Variants in PARP10 observed in about 807,000 individuals in gnomAD.
PARP10 encodes the protein protein mono-ADP-ribosyltransferase PARP10.
In PARP10, 56 loss-of-function variants were observed where a neutral mutation model predicts 82.4. The ratio of observed to expected loss-of-function variants is 0.68; its 90% CI spans 0.55 to 0.85. PARP10 has a LOEUF of 0.85. Among genes scored for constraint, PARP10 ranks in the 40% least tolerant of loss-of-function variants. The pLI, the probability that PARP10 is intolerant of heterozygous loss-of-function variation, is 0.00. For missense variants in PARP10, 1,227 were observed against 1,379.4 expected (o/e 0.89, Z 1.75); for synonymous variants, 576 against 601.1 (o/e 0.96, Z 0.61).
intron 1 of PARP10, among the ~76,000 whole-genome samples, chr8:143,997,433 C>G (rs1271164375): frequency 6.6e-6 from 1 of 152,154 alleles, no homozygotes; most frequent in East Asian, 1.9e-4. Flanking sequence ...AAATCTTCCT[C>G]TCTAACCCAA....
chr8:143,992,025 C>G (rs1554750605), upstream of PARP10: 4 of 1,613,946 alleles, frequency 2.5e-6, no homozygotes, highest in Non-Finnish European at 3.4e-6. Flanking sequence ...TCTCATCGTC[C>G]TCAGCTGTTG....
In PARP10 at chr8:143,977,604, G is replaced by C. The variant is rs782101741; in HGVS notation, c.2958C>G (p.Ser986Arg). ...DSAVDCICQP[S>R]IFVIFHDTQA... ...GGGTGTCGTGGAAGATGACGAAGAT[G>C]CTGGGCTGGCAGATGCAGTCCACGG... Residue 986 changes from serine to arginine, a missense_variant, in exon 11 of 11, where the codon AGC (serine) becomes AGG (arginine). Transcript: ENST00000313028. The C allele has an allele frequency of 2.6e-5, 41 of 1,586,640 alleles. No individual in the cohort carries two copies.
chr8:143,985,429 G>A lies in PARP10; in HGVS notation c.656C>T (p.Ser219Phe). 1 of 1,610,702 alleles carries A rather than the reference G, an allele frequency of 6.2e-7. No individual in the cohort carries two copies. The highest frequency in any genetic ancestry group is 8.5e-7 in the Non-Finnish European group (1 of 1,178,572). Residue 219 changes from serine to phenylalanine, a missense_variant, in exon 4 of 11, where the codon TCC (serine) becomes TTC (phenylalanine). Coordinates refer to ENST00000313028, the MANE Select transcript of PARP10 (RefSeq NM_032789.5). ...CCACTCACCTTGCCACTGCTGGAAGGAGGCAACAGTGCCCAGGGGCCCGGG... is the reference window on the plus strand; with the variant it reads ...CCACTCACCTTGCCACTGCTGGAAGAAGGCAACAGTGCCCAGGGGCCCGGG... ...RLPGPLGTVA[S>F]FQQWQVAERV...
rs946908055 is a variant in PARP10, at chr8:144,011,714, G to T, written c.-80+816C>A. Among the ~76,000 whole-genome samples, 2 of 152,150 alleles carry T rather than the reference G, an allele frequency of 1.3e-5. No individual in the cohort carries two copies. The highest frequency in any genetic ancestry group is 4.8e-5 in the African/African-American group (2 of 41,430). ...TGGGCTCCTGAAGGACTAAAGTCAG[G>T]AAAATTCAAGGAGCTGGGGAATAGA... is the stretch of plus-strand genomic sequence containing the variant. On this transcript the variant is annotated intron_variant, in intron 1 of 3. Coordinates refer to the PARP10 transcript ENST00000530478. The surrounding 1 kb of genome is among the most constrained non-coding windows in gnomAD (Gnocchi z 4.5).
At chr8:143,994,370 GCCT>G (rs1294480209), upstream of PARP10, among the ~76,000 whole-genome samples, 4 of 152,016 alleles carry the variant, frequency 2.6e-5, no homozygotes, top group Non-Finnish European at 5.9e-5. Context: ...GCCTCACCTG[GCCT>G]CCTCGCCTGC....
chr8:144,007,163 G>A (rs1429412207), intron 1 of PARP10, among the ~76,000 whole-genome samples: 1 of 152,236 alleles, frequency 6.6e-6, no homozygotes, highest in Non-Finnish European at 1.5e-5. Flanking sequence ...TAGTCCCTAA[G>A]CCTTTCATGA....
chr8:143,986,297 C>T lies in PARP10; in HGVS notation c.2+61G>A, dbSNP rs369275787. ...TCCACCCCTCCTGCCCCTCCCCAGGCCCCTCCAAGGTGTGTCCTCAATGCT... is the reference window on the plus strand; with the variant it reads ...TCCACCCCTCCTGCCCCTCCCCAGGTCCCTCCAAGGTGTGTCCTCAATGCT... On this transcript the variant is annotated intron_variant, in intron 1 of 10. Coordinates refer to ENST00000313028, the MANE Select transcript of PARP10 (RefSeq NM_032789.5). 4.2e-5 allele frequency: 67 copies of T among 1,613,648 alleles called. No homozygotes were observed. In the African/African-American group the frequency reaches 6.8e-4, roughly 16 times the overall value.
Position 143,984,996 on chromosome 8 carries a change from TCAGAGAG to T in PARP10, c.999_1005del (p.Ser334GlyfsTer28). ...CCCAGAGACCCCATGGGACCTGTCC[TCAGAGAG>T]GTCCCTGACTGCCCTGGTTCCTGGC... On this transcript the variant is annotated frameshift_variant, in exon 5 of 11. Coordinates refer to ENST00000313028, the MANE Select transcript of PARP10 (RefSeq NM_032789.5). LOFTEE classifies it high-confidence loss of function. 1 of 1,613,952 alleles carries T rather than the reference TCAGAGAG, an allele frequency of 6.2e-7. No individual in the cohort carries two copies. The highest frequency in any genetic ancestry group is 8.5e-7 in the Non-Finnish European group (1 of 1,179,990).
At chr8:143,991,967 G>A, upstream of PARP10, 2 of 1,613,828 alleles carry the variant, frequency 1.2e-6, no homozygotes, top group Admixed American at 1.7e-5. Flanking sequence ...GCTTTGTCCG[G>A]GAGAATGTCT....
chr8:143,991,583 C>T (rs782117732), upstream of PARP10: 1 of 1,589,544 alleles, frequency 6.3e-7, no homozygotes, highest in South Asian at 1.1e-5. Flanking sequence ...CACAGGTCTT[C>T]CCAGGACAAG....
chr8:144,012,335 G>T, intron 1 of PARP10: 4 of 608,236 alleles, frequency 6.6e-6, no homozygotes, highest in Non-Finnish European at 1.2e-5. Context: ...GAGAGCTGAG[G>T]GTGTTAGAGC....
rs1834250641 is a variant in PARP10 at position 144,008,603 on chromosome 8, G to A, written c.-80+3927C>T. Among the ~76,000 whole-genome samples, 1 of 152,182 alleles carries A rather than the reference G, an allele frequency of 6.6e-6. No homozygotes were observed. The highest frequency in any genetic ancestry group is 2.4e-5 in the African/African-American group (1 of 41,454). On this transcript the variant is annotated intron_variant, in intron 1 of 3. Transcript: ENST00000530478. The surrounding 1 kb of genome is among the most constrained non-coding windows in gnomAD (Gnocchi z 4.0). ...CCCAGGAGGTTCCTGTCACTCCTGC[G>A]GGCCCAGCCTCCCTGCAGCCAGGAA...
rs1234371432 is a variant in PARP10 at position 144,011,447 on chromosome 8, T to C, written c.-80+1083A>G. Reference sequence around the variant, plus strand: ...CCCTGGCTGACCTTCTTCCCCTTCCTCATTCCCACATTCTACCAGGAGTCT... The same window carrying C: ...CCCTGGCTGACCTTCTTCCCCTTCCCCATTCCCACATTCTACCAGGAGTCT... On this transcript the variant is annotated intron_variant, in intron 1 of 3. Coordinates refer to the PARP10 transcript ENST00000530478. The surrounding 1 kb of genome is among the most constrained non-coding windows in gnomAD (Gnocchi z 4.5). Among the ~76,000 whole-genome samples the C allele has an allele frequency of 6.6e-6, 1 of 152,176 alleles. No individual in the cohort carries two copies. The highest frequency in any genetic ancestry group is 2.4e-5 in the African/African-American group (1 of 41,456).
At chr8:143,980,754 G>A (rs1833832758) in intron 9 of PARP10, among the ~76,000 whole-genome samples, 1 of 152,212 alleles carries the variant, frequency 6.6e-6, no homozygotes, top group South Asian at 2.1e-4. Context: ...AAAGCCATTA[G>A]CCTTGAATCC....
intron 1 of PARP10, among the ~76,000 whole-genome samples, chr8:144,006,321 G>A (rs1355787185): frequency 3.3e-5 from 5 of 152,204 alleles, no homozygotes. Flanking sequence ...CACTCACAAC[G>A]ACAGCAGGAG....
intron 1 of PARP10, among the ~76,000 whole-genome samples, chr8:144,007,979 A>G (rs1387431651): frequency 6.6e-6 from 1 of 152,126 alleles, no homozygotes; most frequent in African/African-American, 2.4e-5. Flanking sequence ...CATCGTCTGA[A>G]GTGTAGGAGA....
At position 143,985,418 on chromosome 8, in the gene PARP10, A is replaced by G; in HGVS notation, c.667T>C (p.Trp223Arg). 6.2e-7 allele frequency: 1 copy of G among 1,609,150 alleles called. No individual in the cohort carries two copies. The highest frequency in any genetic ancestry group is 2.2e-5 in the East Asian group (1 of 44,636). Residue 223 changes from tryptophan (W) to arginine (R), a missense_variant, in exon 4 of 11, where the codon TGG becomes CGG. Coordinates refer to ENST00000313028, the MANE Select transcript of PARP10 (RefSeq NM_032789.5). ...TCTGCCCAGCCCCACTCACCTTGCCACTGCTGGAAGGAGGCAACAGTGCCC... is the reference window on the plus strand; with the variant it reads ...TCTGCCCAGCCCCACTCACCTTGCCGCTGCTGGAAGGAGGCAACAGTGCCC... ...PLGTVASFQQ[W>R]QVAERVLQQE...
chr8:144,012,484 C>A (rs782196936), intron 1 of PARP10: 1 of 1,544,788 alleles, frequency 6.5e-7, no homozygotes, highest in Non-Finnish European at 8.8e-7. Context: ...AGTGCCCTCC[C>A]GTGGGCCGCA....
Position 143,984,869 on chromosome 8 carries a change from C to T in PARP10, c.1133G>A (p.Ser378Asn). ...GCCTGCAGACCCCACAGGCCCCAGG[C>T]TCATGGGCCCCTCCTGTTCCTGCAA... ...VGLQEQEGPM[S>N]LGPVGSAGPV... The change falls in exon 5 of 11, where the codon AGC becomes AAC. Residue 378 changes from serine (S) to asparagine (N), a missense_variant. Physicochemically the swap from Ser to Asn is conservative, Grantham distance 46 (BLOSUM62 1). Coordinates refer to ENST00000313028, the MANE Select transcript of PARP10 (RefSeq NM_032789.5). 1 of 1,613,918 alleles carries T rather than the reference C, an allele frequency of 6.2e-7. No homozygotes were observed.
Sources: allele counts gnomAD v4.1 joint callset (sites outside exome capture counted in the v4.1 genomes callset), GRCh38; gene constraint gnomAD v4.1.1; non-coding constraint Gnocchi (gnomAD v3.1); transcripts MANE v1.5; gene names NCBI Gene and HGNC (gene_info 2026-07-23, HGNC 2026-07-21).